PTPRT: variants seen among roughly 807,000 people sequenced by gnomAD.
The protein encoded by PTPRT is protein tyrosine phosphatase receptor type T, also known as receptor-type tyrosine-protein phosphatase T.
In PTPRT, 56 loss-of-function variants were observed where a neutral mutation model predicts 176.8. That is an observed-to-expected ratio of 0.32 (90% CI 0.26 to 0.40). The LOEUF (loss-of-function observed/expected upper bound fraction) is 0.40, where lower values mean the gene tolerates loss of function less well. Among genes scored for constraint, PTPRT ranks in the 10% least tolerant of loss-of-function variants. PTPRT has a pLI of 1.00. For missense variants in PTPRT, 1,540 were observed against 1,908.2 expected (o/e 0.81, Z 3.60); for synonymous variants, 783 against 739.0 (o/e 1.06, Z -0.96).
chr20:42,278,983 G>C (rs2057094766), intron 13 of PTPRT, among the ~76,000 whole-genome samples: 1 of 152,008 alleles, frequency 6.6e-6, no homozygotes. Flanking sequence ...CTGCTCACTT[G>C]CCCTTTCTAA....
Position 42,793,919 on chromosome 20 carries a change from GTC to G in PTPRT, c.215-2455_215-2454del, listed in dbSNP as rs529252198. On this transcript the variant is annotated intron_variant, in intron 2 of 30. Coordinates refer to ENST00000373187, the MANE Select transcript of PTPRT (RefSeq NM_007050.6). Reference sequence around the variant, plus strand: ...GAGGCAGCAGCCTGAGAAGCAAAGTGTCTCTCTCCTCTCTGAATCCCATGATA... The same window carrying G: ...GAGGCAGCAGCCTGAGAAGCAAAGTGTCTCTCCTCTCTGAATCCCATGATA... 7.9e-4 allele frequency among the ~76,000 whole-genome samples: 120 copies of G among 152,232 alleles called. 2 individuals carry two copies. The highest frequency in any genetic ancestry group is 6.9e-3 in the Admixed American group (105 of 15,286).
intron 16 of PTPRT, among the ~76,000 whole-genome samples, chr20:42,172,410 A>G (rs774527571): frequency 2.0e-5 from 3 of 152,234 alleles, no homozygotes; most frequent in Non-Finnish European, 4.4e-5. Flanking sequence ...TTTTTAGCCC[A>G]GGCTTAGACT....
intron 1 of PTPRT, 149 bp from the exon 2 acceptor site, chr20:42,886,081 C>G: frequency 2.6e-6 from 1 of 383,702 alleles, no homozygotes; most frequent in Non-Finnish European, 3.7e-6. Flanking sequence ...AAAAGATGAG[C>G]AAATTGGATT....
chr20:42,679,866 C>T (rs982017184), intron 6 of PTPRT, among the ~76,000 whole-genome samples: 2 of 152,194 alleles, frequency 1.3e-5, no homozygotes, highest in African/African-American at 2.4e-5. Flanking sequence ...CAATGAACAT[C>T]TTTGTGCAAA....
intron 13 of PTPRT, among the ~76,000 whole-genome samples, chr20:42,260,509 T>C (rs1269624281): frequency 6.6e-6 from 1 of 152,216 alleles, no homozygotes; most frequent in Non-Finnish European, 1.5e-5. Flanking sequence ...AGCAAAGTGA[T>C]AGTCCCTTTA....
At chr20:42,197,394 A>AAAC (rs1302517148) in intron 16 of PTPRT, among the ~76,000 whole-genome samples, 1 of 150,490 alleles carries the variant, frequency 6.6e-6, no homozygotes, top group African/African-American at 2.4e-5. Context: ...AAAAAAAAAA[A>AAAC]AAAAAAAGTC....
chr20:42,885,180 A>G (rs2079082753), intron 2 of PTPRT, among the ~76,000 whole-genome samples: 1 of 147,522 alleles, frequency 6.8e-6, no homozygotes, highest in South Asian at 2.1e-4. Flanking sequence ...ATATAATAAT[A>G]TGACCTTATA....
chr20:42,523,752 T>G (rs920818290), intron 7 of PTPRT, among the ~76,000 whole-genome samples: 1 of 152,212 alleles, frequency 6.6e-6, no homozygotes, highest in Non-Finnish European at 1.5e-5. Flanking sequence ...TTTCTAAACA[T>G]TTTTTACCCT....
intron 7 of PTPRT, among the ~76,000 whole-genome samples, chr20:42,520,802 C>CATATATATATATATATATAT (rs58797064): frequency 1.4e-5 from 2 of 141,686 alleles, no homozygotes; most frequent in African/African-American, 2.6e-5. Context: ...CTTGGAAAGA[C>CATATATATATATATATATAT]ATATATATAT....
chr20:42,400,981 G>T (rs957947450), intron 9 of PTPRT, among the ~76,000 whole-genome samples: 1 of 152,056 alleles, frequency 6.6e-6, no homozygotes, highest in Non-Finnish European at 1.5e-5. Flanking sequence ...GTTTCGGGAG[G>T]AGGGTGGAGC....
At chr20:42,483,787 C>CAAACA (rs2071424320) in intron 7 of PTPRT, among the ~76,000 whole-genome samples, 5 of 152,264 alleles carry the variant, frequency 3.3e-5, no homozygotes, top group South Asian at 2.1e-4. Context: ...TTGTCTTTGG[C>CAAACA]TCCAAACATG....
At chr20:42,494,280 A>T (rs2071610780) in intron 7 of PTPRT, among the ~76,000 whole-genome samples, 2 of 152,246 alleles carry the variant, frequency 1.3e-5, no homozygotes, top group African/African-American at 2.4e-5. Flanking sequence ...GTTTTTATTG[A>T]TCTCTTTGAA....
At chr20:42,861,129 G>T (rs1023975028) in intron 2 of PTPRT, among the ~76,000 whole-genome samples, 11 of 152,296 alleles carry the variant, frequency 7.2e-5, no homozygotes, top group African/African-American at 2.6e-4. Flanking sequence ...CAGAAGACCA[G>T]GGGGTGGCTG....
At chr20:42,554,097 C>A (rs1013626407) in intron 7 of PTPRT, among the ~76,000 whole-genome samples, 1 of 152,026 alleles carries the variant, frequency 6.6e-6, no homozygotes, top group African/African-American at 2.4e-5. Context: ...CCAAAAAAAA[C>A]GTTCTTGGGA....
At chr20:42,694,097 G>A (rs184524969) in intron 6 of PTPRT, among the ~76,000 whole-genome samples, 99 of 148,582 alleles carry the variant, frequency 6.7e-4, no homozygotes, top group African/African-American at 2.0e-3. Flanking sequence ...GGAGTGCAGC[G>A]GCGCGATCTC....
intron 1 of PTPRT, among the ~76,000 whole-genome samples, chr20:43,146,038 T>C (rs2014156411): frequency 6.6e-6 from 1 of 151,912 alleles, no homozygotes; most frequent in South Asian, 2.1e-4. Context: ...TCTTTGAGAG[T>C]TTTTGATGAG....
chr20:42,655,336 C>CA, intron 7 of PTPRT, among the ~76,000 whole-genome samples: 2 of 152,002 alleles, frequency 1.3e-5, no homozygotes, highest in Non-Finnish European at 2.9e-5. Context: ...ATTAAAAATA[C>CA]AAAAACTGGC....
chr20:42,271,775 T>C (rs2056939984), intron 13 of PTPRT, among the ~76,000 whole-genome samples: 1 of 152,166 alleles, frequency 6.6e-6, no homozygotes, highest in South Asian at 2.1e-4. Context: ...TTGAAAGGTG[T>C]TTTAGGCTTG....
At chr20:42,590,026 G>A (rs2073541637) in intron 7 of PTPRT, among the ~76,000 whole-genome samples, 1 of 152,136 alleles carries the variant, frequency 6.6e-6, no homozygotes, top group Non-Finnish European at 1.5e-5. Flanking sequence ...ATGGAGAACA[G>A]GCTTCTATGT....
Sources: gnomAD v4.1 joint callset for allele counts (sites outside exome capture counted in the v4.1 genomes callset) on GRCh38, gnomAD v4.1.1 for gene constraint, MANE v1.5 for transcripts, NCBI Gene and HGNC (gene_info 2026-07-23, HGNC 2026-07-21) for gene names.